The following FAM228B variants were observed in gnomAD, a reference collection of about 807,000 sequenced individuals.
The protein encoded by FAM228B is protein FAM228B.
FAM228B carries 38 observed loss-of-function variants against 42.6 expected under a neutral mutation model. The observed-to-expected ratio is 0.89, with a 90% CI of 0.69 to 1.17. The LOEUF (loss-of-function observed/expected upper bound fraction) is 1.17, where lower values mean the gene tolerates loss of function less well. Among genes scored for constraint, FAM228B ranks in the 50% most tolerant of loss-of-function variants. The pLI is 0.00. For synonymous variants in FAM228B, 109 were observed against 122.3 expected (o/e 0.89, Z 0.72); for missense variants, 344 against 367.3 (o/e 0.94, Z 0.52).
At chr2:24,142,237 C>G (rs1261228149) in intron 5 of FAM228B, among the ~76,000 whole-genome samples, 1 of 152,102 alleles carries the variant, frequency 6.6e-6, no homozygotes, top group African/African-American at 2.4e-5. Flanking sequence ...TTCCCCAGTA[C>G]AGAAAAGGTT....
chr2:24,083,009 GC>G (rs776978474), intron 2 of FAM228B: 7 of 1,614,154 alleles, frequency 4.3e-6, no homozygotes, highest in Non-Finnish European at 5.9e-6. Flanking sequence ...ACTGAGCCTG[GC>G]CCCCACCGGG....
intron 2 of FAM228B, among the ~76,000 whole-genome samples, chr2:24,092,167 A>G (rs992286468): frequency 5.7e-5 from 8 of 139,290 alleles, no homozygotes; most frequent in Non-Finnish European, 9.1e-5. Flanking sequence ...CAGAGGTTGC[A>G]TTGATCATAC....
intron 2 of FAM228B, among the ~76,000 whole-genome samples, chr2:24,087,596 A>T (rs1665289964): frequency 6.6e-6 from 1 of 151,788 alleles, no homozygotes; most frequent in African/African-American, 2.4e-5. Flanking sequence ...TGGAGATTAC[A>T]CGCTATAAGA....
chr2:24,089,792 A>G (rs1665344588), intron 2 of FAM228B, among the ~76,000 whole-genome samples: 1 of 152,090 alleles, frequency 6.6e-6, no homozygotes, highest in South Asian at 2.1e-4. Context: ...AATAAAGATA[A>G]ACATTTCTTT....
intron 2 of FAM228B, among the ~76,000 whole-genome samples, chr2:24,086,367 AGGAT>A (rs1247841839): frequency 6.6e-6 from 1 of 152,226 alleles, no homozygotes; most frequent in East Asian, 1.9e-4. Flanking sequence ...CATTCACTAA[AGGAT>A]GGATTCATAA....
At chr2:24,157,671 G>T (rs1016846289) in intron 7 of FAM228B, among the ~76,000 whole-genome samples, 4 of 151,474 alleles carry the variant, frequency 2.6e-5, no homozygotes, top group African/African-American at 9.7e-5. Context: ...CTGGGAGGCA[G>T]AAGTTGCAGT....
intron 9 of FAM228B, 33 bp downstream of exon 9, chr2:24,164,368 A>G (rs1010726776): frequency 5.9e-6 from 9 of 1,528,660 alleles, no homozygotes; most frequent in Non-Finnish European, 7.9e-6. Context: ...TTCATCATAC[A>G]TAAGGTGGCA....
intron 3 of FAM228B, among the ~76,000 whole-genome samples, chr2:24,098,883 A>G (rs11897230): frequency 0.12 from 18,122 of 152,234 alleles, 1,262 homozygotes; most frequent in South Asian, 0.18. Flanking sequence ...AAAATCCTCA[A>G]TAAAATACTG....
intron 3 of FAM228B, among the ~76,000 whole-genome samples, 164 bp from the exon 4 acceptor site, chr2:24,137,745 T>C (rs952043821): frequency 6.6e-6 from 1 of 152,218 alleles, no homozygotes; most frequent in Non-Finnish European, 1.5e-5. Flanking sequence ...GCAGAGTGTA[T>C]GTCACATAGT....
intron 3 of FAM228B, among the ~76,000 whole-genome samples, chr2:24,135,979 T>G (rs985823600): frequency 6.6e-6 from 1 of 150,440 alleles, no homozygotes; most frequent in South Asian, 2.1e-4. Flanking sequence ...GTGAAGGGTT[T>G]TTTTTTTTTT....
intron 7 of FAM228B, among the ~76,000 whole-genome samples, chr2:24,150,885 G>T (rs572695209): frequency 6.6e-6 from 1 of 152,204 alleles, no homozygotes; most frequent in East Asian, 1.9e-4. Flanking sequence ...TTAGGTGTTT[G>T]ATTATTAAAT....
At chr2:24,115,894 T>A (rs1358142587) in intron 3 of FAM228B, among the ~76,000 whole-genome samples, 1 of 129,322 alleles carries the variant, frequency 7.7e-6, no homozygotes, top group Admixed American at 8.9e-5. Context: ...GGAGTATGAA[T>A]TGGGTTCCCA....
At chr2:24,167,808 G>A in intron 10 of FAM228B, 125 bp downstream of exon 10, 2 of 1,138,276 alleles carry the variant, frequency 1.8e-6, no homozygotes, top group Non-Finnish European at 2.5e-6. Context: ...GGGTGGGTAG[G>A]AAAGTTCTTA....
At chr2:24,079,975 G>C (rs1664928410) in intron 1 of FAM228B, among the ~76,000 whole-genome samples, 1 of 152,150 alleles carries the variant, frequency 6.6e-6, no homozygotes, top group Admixed American at 6.5e-5. Flanking sequence ...TAGGCTAGTT[G>C]TTCACATAGA....
rs1185279271 is a variant in FAM228B, at chr2:24,077,221, G to A, written c.-290+252G>A. On this transcript the variant is annotated intron_variant, in intron 1 of 10. Transcript: ENST00000613899. This position sits in a 1 kb window ranked among gnomAD's most constrained non-coding sequence, Gnocchi z 5.5. ...CGCGCGGGCAGGTGCCGGAGGTGGT[G>A]GGCCTGGGCCTCTAGCTGTGCGCAA... is the stretch of plus-strand genomic sequence containing the variant. Among the ~76,000 whole-genome samples the A allele has an allele frequency of 6.6e-6, 1 of 152,082 alleles. No homozygotes were observed. Among genetic ancestry groups the A allele is most frequent in the African/African-American group, 2.4e-5 (1 of 41,398 alleles).
intron 2 of FAM228B, among the ~76,000 whole-genome samples, chr2:24,094,020 C>A (rs186344977): frequency 1.4e-5 from 2 of 140,576 alleles, no homozygotes; most frequent in Non-Finnish European, 3.0e-5. Context: ...CCTGAGGAAT[C>A]GCCACATACT....
Position 24,134,114 on chromosome 2 carries a change from G to A in FAM228B, c.100-1005G>A, listed in dbSNP as rs73920011. ...TTAATAAGAGCTTTCATTTTGAGAAGATCTAATTACTTGTTTAATTATAAT... is the reference window on the plus strand; with the variant it reads ...TTAATAAGAGCTTTCATTTTGAGAAAATCTAATTACTTGTTTAATTATAAT... On this transcript the variant is annotated intron_variant, in intron 2 of 10. Coordinates refer to ENST00000615575, the MANE Select transcript of FAM228B (RefSeq NM_001145710.2). Among the ~76,000 whole-genome samples the A allele has an allele frequency of 2.7e-3, 418 of 152,212 alleles. 5 individuals are homozygous for A. Among genetic ancestry groups the A allele is most frequent in the African/African-American group, 9.4e-3 (391 of 41,562 alleles).
intron 5 of FAM228B, among the ~76,000 whole-genome samples, chr2:24,141,592 C>A (rs1666748188): frequency 1.3e-5 from 2 of 150,976 alleles, no homozygotes; most frequent in South Asian, 2.1e-4. Context: ...GTTGATCAGG[C>A]TGGTCTTGAA....
Position 24,138,101 on chromosome 2 carries a change from G to A in FAM228B, c.360+1G>A. The A allele has an allele frequency of 1.3e-6, 2 of 1,517,438 alleles. No individual in the cohort carries two copies. The highest frequency in any genetic ancestry group is 2.5e-5 in the East Asian group (1 of 40,658). The allele number at this position is 1,517,438 out of a possible 1,614,324, so 94.0% of individuals were successfully genotyped here. ...CTTTTTAAAACATGTAAATAAAAAG[G>A]TACTAAGAGATCATTTGATGCTTTT... On this transcript the variant is annotated splice_donor_variant, in intron 4 of 10. Transcript: ENST00000615575. LOFTEE classifies it high-confidence loss of function.
Sources: gnomAD v4.1 joint callset for allele counts (sites outside exome capture counted in the v4.1 genomes callset) on GRCh38, gnomAD v4.1.1 for gene constraint, Gnocchi (gnomAD v3.1) non-coding constraint, MANE v1.5 for transcripts, NCBI Gene and HGNC (gene_info 2026-07-23, HGNC 2026-07-21) for gene names.